Variants in ABI3BP observed in about 807,000 individuals in gnomAD.
The protein encoded by ABI3BP is ABI family member 3 binding protein, also known as target of Nesh-SH3.
In ABI3BP, 216 loss-of-function variants were observed where a neutral mutation model predicts 268.6. The ratio of observed to expected loss-of-function variants is 0.80; its 90% confidence interval spans 0.72 to 0.90. The LOEUF (loss-of-function observed/expected upper bound fraction) is 0.90. ABI3BP is among the 40% of genes least tolerant of loss of function. The pLI is 0.00. For missense variants in ABI3BP, 2,090 were observed against 2,182.4 expected (o/e 0.96, Z 0.84); for synonymous variants, 730 against 730.0 (o/e 1.00, Z 0.00).
intron 61 of ABI3BP, among the ~76,000 whole-genome samples, chr3:100,773,062 A>T (rs1488713572): frequency 6.8e-6 from 1 of 147,730 alleles, no homozygotes; most frequent in Non-Finnish European, 1.5e-5. Context: ...TGGGCAACAG[A>T]GCGAGAGTCC....
chr3:100,816,083 T>C (rs1031285768), intron 43 of ABI3BP, 112 bp from the exon 44 acceptor site: 12 of 795,580 alleles, frequency 1.5e-5, no homozygotes. Context: ...TTTTAAAACT[T>C]TTGAATTGAT....
intron 1 of ABI3BP, among the ~76,000 whole-genome samples, chr3:100,940,903 A>ACACAGAT (rs1402360247): frequency 2.9e-5 from 4 of 136,540 alleles, no homozygotes; most frequent in African/African-American, 1.1e-4. Flanking sequence ...AATTAATAGC[A>ACACAGAT]CACAGATTTA....
intron 1 of ABI3BP, among the ~76,000 whole-genome samples, chr3:100,928,785 C>G (rs1005868113): frequency 6.6e-6 from 1 of 151,994 alleles, no homozygotes; most frequent in African/African-American, 2.4e-5. Flanking sequence ...AAAACTAGAT[C>G]TTGGGCTCTC....
At chr3:100,848,484 T>C (rs995438875) in intron 18 of ABI3BP, among the ~76,000 whole-genome samples, 3 of 150,968 alleles carry the variant, frequency 2.0e-5, no homozygotes, top group Non-Finnish European at 3.0e-5. Context: ...TTTTTTTTTT[T>C]TCCCTGAGAT....
At chr3:100,880,265 T>C (rs1176847654) in intron 6 of ABI3BP, among the ~76,000 whole-genome samples, 1 of 152,138 alleles carries the variant, frequency 6.6e-6, no homozygotes, top group East Asian at 1.9e-4. Flanking sequence ...GATACTGCTG[T>C]CCTCAGACAC....
intron 6 of ABI3BP, among the ~76,000 whole-genome samples, chr3:100,877,291 A>T (rs2099170038): frequency 6.6e-6 from 1 of 152,174 alleles, no homozygotes; most frequent in Non-Finnish European, 1.5e-5. Flanking sequence ...AGTGTATCCA[A>T]TTGCTGCTGC....
intron 57 of ABI3BP, among the ~76,000 whole-genome samples, chr3:100,784,986 T>A (rs534818815): frequency 6.6e-6 from 1 of 152,254 alleles, no homozygotes; most frequent in African/African-American, 2.4e-5. Context: ...CAACACTATA[T>A]AATTCATCCA....
At chr3:100,845,977 C>A in intron 20 of ABI3BP, among the ~76,000 whole-genome samples, 1 of 151,968 alleles carries the variant, frequency 6.6e-6, no homozygotes, top group Non-Finnish European at 1.5e-5. Flanking sequence ...GGTCTTCTAG[C>A]CTGAGAACTG....
intron 40 of ABI3BP, 34 bp downstream of exon 40, chr3:100,820,186 G>A (rs1428679369): frequency 1.3e-6 from 2 of 1,489,408 alleles, no homozygotes; most frequent in Non-Finnish European, 9.1e-7. Flanking sequence ...AGAGCAGCTA[G>A]GATGAGCTAC....
At chr3:100,959,260 G>A (rs2077979476) in intron 1 of ABI3BP, among the ~76,000 whole-genome samples, 6 of 151,922 alleles carry the variant, frequency 3.9e-5, no homozygotes, top group Admixed American at 3.9e-4. Flanking sequence ...GGAGGCCGAG[G>A]CGGGCGGATC....
At chr3:100,862,934 T>C (rs1021159297) in intron 12 of ABI3BP, 25 bp from the exon 13 acceptor site, 3 of 1,505,236 alleles carry the variant, frequency 2.0e-6, no homozygotes, top group African/African-American at 2.8e-5. Context: ...ATAAAGAAAG[T>C]TACGACCTGA....
intron 2 of ABI3BP, among the ~76,000 whole-genome samples, chr3:100,917,457 T>A (rs994458201): frequency 2.0e-5 from 3 of 152,010 alleles, no homozygotes; most frequent in Admixed American, 6.5e-5. Context: ...AAAAAAAAAA[T>A]TCTAAAGTTT....
chr3:100,770,620 C>T, intron 62 of ABI3BP, 123 bp downstream of exon 62: 1 of 871,850 alleles, frequency 1.1e-6, no homozygotes, highest in Admixed American at 3.5e-5. Flanking sequence ...GGCAGCAAAA[C>T]TGCTAGTTTT....
intron 9 of ABI3BP, among the ~76,000 whole-genome samples, chr3:100,869,330 GTTTTTTTTTTT>G (rs144604645): frequency 2.0e-5 from 1 of 49,752 alleles, no homozygotes; most frequent in Admixed American, 3.1e-4. Flanking sequence ...CTTCTTTTTG[GTTTTTTTTTTT>G]TTTTTTTTTT....
chr3:100,829,080 C>T (rs2098438439), intron 33 of ABI3BP, among the ~76,000 whole-genome samples: 1 of 151,402 alleles, frequency 6.6e-6, no homozygotes, highest in Non-Finnish European at 1.5e-5. Flanking sequence ...TTCTGAATTT[C>T]TCTATTACTC....
chr3:100,898,482 C>A (rs1418555753), intron 4 of ABI3BP, among the ~76,000 whole-genome samples: 2 of 152,164 alleles, frequency 1.3e-5, no homozygotes, highest in Non-Finnish European at 1.5e-5. Flanking sequence ...TTTGGCCCCG[C>A]CTTCTGAGTT....
At chr3:100,768,094 T>TG (rs1344317516) in intron 62 of ABI3BP, among the ~76,000 whole-genome samples, 1 of 147,580 alleles carries the variant, frequency 6.8e-6, no homozygotes, top group Non-Finnish European at 1.5e-5. Flanking sequence ...TTTTTTTTTT[T>TG]TTTTTTTTTT....
intron 1 of ABI3BP, among the ~76,000 whole-genome samples, chr3:100,990,082 C>T (rs1285761672): frequency 6.6e-6 from 1 of 152,158 alleles, no homozygotes; most frequent in Non-Finnish European, 1.5e-5. Flanking sequence ...GTAGAAGCCT[C>T]CCTTGTTGCC....
At chr3:100,835,814 C>T (rs1167450755) in intron 27 of ABI3BP, among the ~76,000 whole-genome samples, 154 bp from the exon 28 acceptor site, 1 of 152,154 alleles carries the variant, frequency 6.6e-6, no homozygotes, top group Non-Finnish European at 1.5e-5. Context: ...GCCAAACTAT[C>T]ATATCCATTT....
Sources: gnomAD v4.1 joint callset for allele counts (sites outside exome capture counted in the v4.1 genomes callset) on GRCh38, gnomAD v4.1.1 for gene constraint, MANE v1.5 for transcripts, NCBI Gene and HGNC (gene_info 2026-07-23, HGNC 2026-07-21) for gene names.